RALGPS2: variants seen among roughly 807,000 people sequenced by gnomAD.
The protein encoded by RALGPS2 is Ral GEF with PH domain and SH3 binding motif 2.
Under a neutral mutation model 86.8 loss-of-function variants are expected in RALGPS2, and 43 were observed. The observed-to-expected ratio is 0.50, with a 90% CI of 0.39 to 0.64. The LOEUF (loss-of-function observed/expected upper bound fraction) is 0.64, where lower values mean the gene tolerates loss of function less well. Among genes scored for constraint, RALGPS2 ranks in the 30% least tolerant of loss-of-function variants. The pLI, the probability that RALGPS2 is intolerant of heterozygous loss-of-function variation, is 0.00. For synonymous variants in RALGPS2, 243 were observed against 231.3 expected (o/e 1.05, Z -0.46); for missense variants, 536 against 694.6 (o/e 0.77, Z 2.57).
chr1:178,738,650 A>C (rs905329976), intron 1 of RALGPS2, among the ~76,000 whole-genome samples: 2 of 152,220 alleles, frequency 1.3e-5, no homozygotes, highest in African/African-American at 4.8e-5. Context: ...AAATTAAATA[A>C]ATTTTTTAAG....
rs771166946 is a variant in RALGPS2, at chr1:178,776,793, G to C, written c.29G>C (p.Ser10Thr). MDLMNGQAS[S>T]VNIAATASEK... is the part of the protein sequence containing the mutation. ...GACCTAATGAACGGGCAGGCAAGCA[G>C]TGTCAATATTGCAGCTACTGCTTCT... Residue 10 changes from serine to threonine, a missense_variant, in exon 2 of 20, where the codon AGT becomes ACT. Coordinates refer to ENST00000367635, the MANE Select transcript of RALGPS2 (RefSeq NM_152663.5). 4 of 1,613,220 alleles carry C rather than the reference G, an allele frequency of 2.5e-6. No individual in the cohort carries two copies. In the Admixed American group the frequency reaches 6.7e-5, roughly 27 times the overall value.
intron 8 of RALGPS2, among the ~76,000 whole-genome samples, chr1:178,859,960 A>G (rs1392801340): frequency 6.6e-6 from 1 of 151,538 alleles, no homozygotes; most frequent in Non-Finnish European, 1.5e-5. Context: ...CTCGTGATCC[A>G]CCCGTCTCGG....
intron 8 of RALGPS2, among the ~76,000 whole-genome samples, chr1:178,867,851 A>G (rs1032694476): frequency 6.6e-6 from 1 of 151,588 alleles, no homozygotes; most frequent in Non-Finnish European, 1.5e-5. Context: ...ATGAAATATA[A>G]CTCTTATGCT....
chr1:178,738,272 G>A (rs202225217), intron 1 of RALGPS2, among the ~76,000 whole-genome samples: 1 of 140,638 alleles, frequency 7.1e-6, no homozygotes, highest in Non-Finnish European at 1.5e-5. Flanking sequence ...GCAGTGGCAC[G>A]ATCTTAGCTC....
chr1:178,753,100 A>G (rs896694803), intron 1 of RALGPS2, among the ~76,000 whole-genome samples: 2 of 152,224 alleles, frequency 1.3e-5, no homozygotes, highest in Non-Finnish European at 2.9e-5. Context: ...TAGTCCACTG[A>G]ATACGAGGCA....
chr1:178,913,353 G>C (rs1660695398), intron 19 of RALGPS2, among the ~76,000 whole-genome samples: 1 of 151,692 alleles, frequency 6.6e-6, no homozygotes, highest in Non-Finnish European at 1.5e-5. Context: ...GGTTCAGTTT[G>C]GTTCTTTCTT....
At chr1:178,750,130 CAG>C (rs999525858) in intron 1 of RALGPS2, among the ~76,000 whole-genome samples, 15 of 152,084 alleles carry the variant, frequency 9.9e-5, no homozygotes, top group African/African-American at 3.6e-4. Flanking sequence ...AACAAAAAAA[CAG>C]TACTTTCTGA....
At chr1:178,747,468 A>G (rs1280657142) in intron 1 of RALGPS2, 14 of 1,601,016 alleles carry the variant, frequency 8.7e-6, no homozygotes, top group Non-Finnish European at 1.1e-5. Flanking sequence ...TCTGTTGGCC[A>G]GTACTGTGCA....
At chr1:178,833,992 G>A (rs976797686) in intron 8 of RALGPS2, among the ~76,000 whole-genome samples, 10 of 152,156 alleles carry the variant, frequency 6.6e-5, no homozygotes, top group Middle Eastern at 6.8e-3. Context: ...ATTCACTGTG[G>A]CAATTTAGCT....
rs1054497295 is a variant in RALGPS2 at position 178,918,803 on chromosome 1, A to G, written c.*2444A>G. On this transcript the variant is annotated 3_prime_UTR_variant, in exon 20 of 20. Transcript: ENST00000367635. ...GAATTTTTTATCTATAATTTACCAA[A>G]TAATACCTGATAATAATTCAAAGAA... 2 of 152,248 alleles carry G rather than the reference A, an allele frequency of 1.3e-5. No individual in the cohort carries two copies. The highest frequency in any genetic ancestry group is 1.3e-4 in the Admixed American group (2 of 15,286). 9.4% of individuals were successfully genotyped at this position (152,248 alleles called of 1,614,324 possible).
intron 1 of RALGPS2, among the ~76,000 whole-genome samples, chr1:178,751,315 A>G (rs867432829): frequency 2.6e-5 from 4 of 152,168 alleles, no homozygotes; most frequent in African/African-American, 7.2e-5. Context: ...CTCATCTCAG[A>G]TACCAGATTC....
At chr1:178,806,389 GT>G (rs766444855) in intron 4 of RALGPS2, among the ~76,000 whole-genome samples, 45 of 152,074 alleles carry the variant, frequency 3.0e-4, no homozygotes, top group Non-Finnish European at 3.2e-4. Context: ...TCTGATGCCT[GT>G]TTTCCATATG....
intron 6 of RALGPS2, among the ~76,000 whole-genome samples, chr1:178,820,627 A>G (rs1189920547): frequency 1.3e-5 from 2 of 152,150 alleles, no homozygotes; most frequent in African/African-American, 4.8e-5. Flanking sequence ...GAAATATGCA[A>G]ATTGGATTTG....
intron 4 of RALGPS2, among the ~76,000 whole-genome samples, chr1:178,789,476 C>T (rs762880320): frequency 1.4e-4 from 22 of 152,170 alleles, no homozygotes; most frequent in Non-Finnish European, 2.9e-4. Context: ...TATACAACTC[C>T]TGGGGCTGCT....
At chr1:178,833,580 T>C in intron 8 of RALGPS2, 30 bp downstream of exon 8, 1 of 1,518,582 alleles carries the variant, frequency 6.6e-7, no homozygotes, top group Non-Finnish European at 8.7e-7. Context: ...GTTTTTTGTT[T>C]CTAGTTGTTA....
At chr1:178,852,325 G>T (rs569129497) in intron 8 of RALGPS2, among the ~76,000 whole-genome samples, 1 of 152,122 alleles carries the variant, frequency 6.6e-6, no homozygotes, top group East Asian at 1.9e-4. Flanking sequence ...TCCAAAGGGC[G>T]GGAACTTTGT....
intron 1 of RALGPS2, among the ~76,000 whole-genome samples, chr1:178,767,475 G>A (rs990660922): frequency 6.7e-6 from 1 of 149,188 alleles, no homozygotes; most frequent in Non-Finnish European, 1.5e-5. Context: ...CTTGGGTTGT[G>A]AAGGAGCCCC....
intron 17 of RALGPS2, 74 bp downstream of exon 17, chr1:178,897,830 G>A (rs1660013875): frequency 1.6e-6 from 2 of 1,241,482 alleles, no homozygotes; most frequent in Admixed American, 2.1e-5. Flanking sequence ...CAGTCCTAAT[G>A]GGATACAAAG....
At chr1:178,854,276 C>T (rs1572404991) in intron 8 of RALGPS2, among the ~76,000 whole-genome samples, 1 of 152,122 alleles carries the variant, frequency 6.6e-6, no homozygotes, top group African/African-American at 2.4e-5. Flanking sequence ...TCAGTTTATT[C>T]ATAGTCCTAC....
Sources: gnomAD v4.1 joint callset for allele counts (sites outside exome capture counted in the v4.1 genomes callset) on GRCh38, gnomAD v4.1.1 for gene constraint, MANE v1.5 for transcripts, NCBI Gene and HGNC (gene_info 2026-07-23, HGNC 2026-07-21) for gene names.